CTNNA3: variants seen among roughly 807,000 people sequenced by gnomAD.
CTNNA3 encodes the protein catenin alpha-3.
A neutral mutation model predicts 95.7 loss-of-function variants in CTNNA3; 76 were observed. The observed-to-expected ratio is 0.79, with a 90% CI of 0.66 to 0.96. CTNNA3 has a LOEUF of 0.96. Among genes scored for constraint, CTNNA3 ranks in the 40% least tolerant of loss-of-function variants. The pLI, the probability that CTNNA3 is intolerant of heterozygous loss-of-function variation, is 0.00. For synonymous variants in CTNNA3, 431 were observed against 374.4 expected (o/e 1.15, Z -1.74); for missense variants, 1,191 against 1,089.8 (o/e 1.09, Z -1.31).
At chr10:66,587,054 G>A (rs1211622757) in intron 10 of CTNNA3, among the ~76,000 whole-genome samples, 2 of 152,156 alleles carry the variant, frequency 1.3e-5, no homozygotes, top group Non-Finnish European at 2.9e-5. Context: ...CCCAGCACCA[G>A]GTGCCAGCAT....
In CTNNA3 at chr10:67,146,769, T is replaced by C. The variant is rs557731572; in HGVS notation, c.1047+33548A>G. ...GAAACATCATGTACTATAATTTATA[T>C]ACAGTCATGCATGGCATAACAGTGT... On this transcript the variant is annotated intron_variant, in intron 7 of 17. Transcript: ENST00000433211. Among the ~76,000 whole-genome samples, 12 of 152,304 alleles carry C rather than the reference T, an allele frequency of 7.9e-5. No homozygotes were observed. In the East Asian group the frequency reaches 1.5e-3, roughly 20 times the overall value.
intron 13 of CTNNA3, among the ~76,000 whole-genome samples, chr10:66,212,553 T>C (rs2088237074): frequency 6.6e-6 from 1 of 152,228 alleles, no homozygotes; most frequent in Non-Finnish European, 1.5e-5. Context: ...TTTTTTTTGA[T>C]GCTTTTGAAG....
rs529958590 is a variant in CTNNA3, at chr10:66,845,171, T to C, written c.1048-69647A>G. ...CATGGAGAAATAAAGGATGGCATAC[T>C]AGGCAATGAGAAGAAAGAAAGAACA... is the stretch of plus-strand genomic sequence containing the variant. On this transcript the variant is annotated intron_variant, in intron 7 of 17. Coordinates refer to ENST00000433211, the MANE Select transcript of CTNNA3 (RefSeq NM_013266.4). 7.9e-5 allele frequency among the ~76,000 whole-genome samples: 12 copies of C among 152,182 alleles called. No homozygotes were observed. The East Asian group carries it at 1.6e-3, about 20-fold the overall frequency.
chr10:66,048,826 T>C (rs2079889220), intron 15 of CTNNA3, among the ~76,000 whole-genome samples: 1 of 151,792 alleles, frequency 6.6e-6, no homozygotes, highest in South Asian at 2.1e-4. Context: ...ACCCAAAAAT[T>C]ATAAAAACCC....
At chr10:66,614,319 G>T (rs1844434357) in intron 10 of CTNNA3, among the ~76,000 whole-genome samples, 1 of 152,002 alleles carries the variant, frequency 6.6e-6, no homozygotes, top group African/African-American at 2.4e-5. Context: ...AATATAATCT[G>T]AAAAAGGTCA....
chr10:66,017,441 A>C (rs1178483237), intron 15 of CTNNA3, among the ~76,000 whole-genome samples: 1 of 152,144 alleles, frequency 6.6e-6, no homozygotes, highest in African/African-American at 2.4e-5. Flanking sequence ...GTTGGAAGAG[A>C]TGACTAAAGC....
intron 11 of CTNNA3, among the ~76,000 whole-genome samples, chr10:66,411,935 G>GT (rs1481812985): frequency 6.6e-6 from 1 of 152,014 alleles, no homozygotes. Flanking sequence ...TCTGAAGCCT[G>GT]TAAGGATTCT....
At chr10:66,231,196 G>C (rs2089571419) in intron 13 of CTNNA3, among the ~76,000 whole-genome samples, 1 of 152,082 alleles carries the variant, frequency 6.6e-6, no homozygotes, top group Admixed American at 6.5e-5. Flanking sequence ...ATTCATCGTG[G>C]GAATGTGGAC....
chr10:67,446,224 C>T (rs901134471), intron 5 of CTNNA3, among the ~76,000 whole-genome samples: 1 of 152,088 alleles, frequency 6.6e-6, no homozygotes, highest in Non-Finnish European at 1.5e-5. Context: ...ACATCTAAAC[C>T]CTTCCACTGT....
chr10:67,492,512 T>C (rs1173235285), intron 5 of CTNNA3, among the ~76,000 whole-genome samples: 1 of 152,214 alleles, frequency 6.6e-6, no homozygotes, highest in African/African-American at 2.4e-5. Flanking sequence ...CCACTTAATA[T>C]CAAGAGAGAC....
chr10:66,613,020 A>T (rs1589496572), intron 10 of CTNNA3, among the ~76,000 whole-genome samples: 1 of 152,044 alleles, frequency 6.6e-6, no homozygotes, highest in Non-Finnish European at 1.5e-5. Context: ...CTAGAAGAAC[A>T]TTGTACAGGC....
At chr10:66,970,939 A>G (rs573832300) in intron 7 of CTNNA3, among the ~76,000 whole-genome samples, 1 of 152,312 alleles carries the variant, frequency 6.6e-6, no homozygotes, top group African/African-American at 2.4e-5. Context: ...TGAAATAGAA[A>G]GAAGTTATCT....
In CTNNA3 at chr10:65,920,449, G is replaced by GT. The variant is rs759618368; in HGVS notation, c.2568dup (p.Pro857ThrfsTer4). On this transcript the variant is annotated frameshift_variant, in exon 18 of 18. Coordinates refer to ENST00000433211, the MANE Select transcript of CTNNA3 (RefSeq NM_013266.4). LOFTEE classifies it high-confidence loss of function. ...TCTGGCTTCTCTCTTTTAATCAAGG[G>GT]TTTTTTTGCAGGAGCCTTCATTCTC... The GT allele has an allele frequency of 4.3e-6, 7 of 1,614,012 alleles. No individual in the cohort carries two copies. Among genetic ancestry groups the GT allele is most frequent in the African/African-American group, 1.3e-5 (1 of 74,972 alleles).
intron 11 of CTNNA3, among the ~76,000 whole-genome samples, chr10:66,465,893 G>T (rs949797985): frequency 2.0e-5 from 3 of 152,204 alleles, no homozygotes; most frequent in Non-Finnish European, 2.9e-5. Context: ...CATTATAGAT[G>T]TGAACAAAAT....
At chr10:67,404,471 T>C (rs115390535) in intron 5 of CTNNA3, among the ~76,000 whole-genome samples, 1,543 of 151,900 alleles carry the variant, frequency 0.01, 25 homozygotes, top group African/African-American at 0.035. Context: ...GCTTGAAGAA[T>C]GTCATTCTGA....
intron 11 of CTNNA3, among the ~76,000 whole-genome samples, chr10:66,425,329 G>A (rs191968213): frequency 1.6e-4 from 25 of 151,624 alleles, no homozygotes; most frequent in Admixed American, 1.4e-3. Context: ...TATGATTATT[G>A]AACATATTTA....
chr10:66,677,088 T>C (rs1331853262), intron 9 of CTNNA3, among the ~76,000 whole-genome samples: 2 of 152,134 alleles, frequency 1.3e-5, no homozygotes, highest in Non-Finnish European at 2.9e-5. Context: ...ACTATGGTAT[T>C]GTGGATAGAT....
intron 10 of CTNNA3, among the ~76,000 whole-genome samples, chr10:66,530,534 A>T (rs1841430071): frequency 6.6e-6 from 1 of 152,056 alleles, no homozygotes; most frequent in African/African-American, 2.4e-5. Context: ...TCTATGGCAA[A>T]TTACCTTTAC....
chr10:66,797,182 A>G (rs538272533), intron 7 of CTNNA3, among the ~76,000 whole-genome samples: 2 of 151,930 alleles, frequency 1.3e-5, no homozygotes, highest in Non-Finnish European at 2.9e-5. Context: ...TTTATTCCCA[A>G]TTCCTCAGTC....
Sources: allele counts gnomAD v4.1 joint callset (sites outside exome capture counted in the v4.1 genomes callset), GRCh38; gene constraint gnomAD v4.1.1; transcripts MANE v1.5; gene names NCBI Gene and HGNC (gene_info 2026-07-23, HGNC 2026-07-21).